Variants in CCDC171 observed in about 807,000 individuals in gnomAD.
CCDC171 encodes coiled-coil domain containing 171, also known as coiled-coil domain-containing protein 171.
In CCDC171, 177 loss-of-function variants were observed where a neutral mutation model predicts 168.2. That is an observed-to-expected ratio of 1.05 (90% CI 0.93 to 1.19). CCDC171 has a LOEUF of 1.19. Ranked by LOEUF, CCDC171 falls within the 50% of genes most tolerant of loss-of-function variation. The probability of loss-of-function intolerance (pLI) is 0.00; values close to 1 mark genes in which losing one functional copy is unlikely to be tolerated. For synonymous variants in CCDC171, 687 were observed against 540.8 expected (o/e 1.27, Z -3.75); for missense variants, 1,991 against 1,539.0 (o/e 1.29, Z -4.91).
At chr9:16,006,718 G>T (rs1249075939) in intron 3 of CCDC171, among the ~76,000 whole-genome samples, 1 of 152,094 alleles carries the variant, frequency 6.6e-6, no homozygotes, top group Non-Finnish European at 1.5e-5. Flanking sequence ...TGCTGAGAAT[G>T]ATGGTTTCCA....
chr9:16,092,501 C>T, the CCDC171 span, among the ~76,000 whole-genome samples: 1 of 152,202 alleles, frequency 6.6e-6, no homozygotes, highest in Admixed American at 6.5e-5. Context: ...TTGTTTCCCA[C>T]TGCTCCCCAC....
At chr9:15,869,899 A>G (rs555036234) in intron 23 of CCDC171, among the ~76,000 whole-genome samples, 1 of 151,902 alleles carries the variant, frequency 6.6e-6, no homozygotes, top group African/African-American at 2.4e-5. Context: ...AGAGATAGTC[A>G]TTTAAAAAAA....
At chr9:15,725,045 C>A (rs962703722) in intron 14 of CCDC171, 69 bp downstream of exon 14, 1 of 1,105,938 alleles carries the variant, frequency 9.0e-7, no homozygotes, top group Non-Finnish European at 1.4e-6. Flanking sequence ...CATCAAGTGA[C>A]TATTTTTACT....
chr9:15,787,875 G>A (rs1259125956), intron 21 of CCDC171, among the ~76,000 whole-genome samples: 1 of 152,036 alleles, frequency 6.6e-6, no homozygotes, highest in African/African-American at 2.4e-5. Context: ...ATTTTTATAA[G>A]CATATTGGTC....
intron 21 of CCDC171, among the ~76,000 whole-genome samples, chr9:15,817,754 C>G (rs2059614968): frequency 8.4e-6 from 1 of 118,882 alleles, no homozygotes; most frequent in African/African-American, 3.1e-5. Context: ...CCTCTGTAGG[C>G]TCTACCTCTG....
chr9:15,963,856 G>A (rs1333648073), intron 25 of CCDC171, among the ~76,000 whole-genome samples: 1 of 152,166 alleles, frequency 6.6e-6, no homozygotes, highest in Admixed American at 6.5e-5. Context: ...AGACAAACAA[G>A]CTACATTTCT....
At chr9:15,623,534 G>C in intron 7 of CCDC171, 121 bp downstream of exon 7, 1 of 530,350 alleles carries the variant, frequency 1.9e-6, no homozygotes, top group Non-Finnish European at 3.0e-6. Flanking sequence ...ATTTAAGATT[G>C]GAGAGTTTTA....
chr9:15,865,456 A>G (rs148922465), intron 23 of CCDC171, among the ~76,000 whole-genome samples: 943 of 151,604 alleles, frequency 6.2e-3, no homozygotes, highest in Non-Finnish European at 0.011. Flanking sequence ...GGGTCCACTT[A>G]TACGTGGATC....
Position 15,678,844 on chromosome 9 carries a change from G to A in CCDC171, c.1163G>A (p.Arg388Lys), listed in dbSNP as rs564678608. The A allele has an allele frequency of 4.6e-5, 74 of 1,597,956 alleles. 1 individual carries two copies. In the South Asian group the frequency reaches 7.4e-4, roughly 16 times the overall value. The change falls in exon 10 of 26, where the codon AGA becomes AAA. Residue 388 changes from arginine to lysine, a missense_variant. Arg to Lys is a conservative substitution (Grantham distance 26, BLOSUM62 2). Transcript: ENST00000380701. Reference protein sequence around the residue: ...QKKVIIDLSKRLQYNEKSCSE... With the variant: ...QKKVIIDLSKKLQYNEKSCSE... ...AAAGTAATTATAGACCTTTCAAAGA[G>A]ACTCCAGTATAATGAAAAAAGTTGC...
At chr9:15,737,563 C>T (rs1325032265) in intron 16 of CCDC171, among the ~76,000 whole-genome samples, 1 of 152,112 alleles carries the variant, frequency 6.6e-6, no homozygotes, top group Non-Finnish European at 1.5e-5. Flanking sequence ...AACCAGACAT[C>T]TTGCCTGTAT....
In CCDC171 at chr9:15,626,831, A is replaced by G. The variant is rs188244473; in HGVS notation, c.822+3418A>G. 8.5e-4 allele frequency among the ~76,000 whole-genome samples: 130 copies of G among 152,332 alleles called. 1 individual carries two copies. Among genetic ancestry groups the G allele is most frequent in the African/African-American group, 2.8e-3 (116 of 41,572 alleles). ...GGTATCAGGATGATGCTGGCCTCAT[A>G]AAATGACTTAGGGAGAGTTCCCTCT... On this transcript the variant is annotated intron_variant, in intron 7 of 25. Coordinates refer to ENST00000380701, the MANE Select transcript of CCDC171 (RefSeq NM_173550.4).
rs2053501306 is a variant in CCDC171, at chr9:15,721,831, A to T, written c.1381A>T (p.Thr461Ser). The change falls in exon 12 of 26, where the codon ACC (threonine) becomes TCC (serine). Residue 461 changes from threonine (T) to serine (S), a missense_variant. Thr to Ser is a moderately conservative substitution (Grantham distance 58). Coordinates refer to ENST00000380701, the MANE Select transcript of CCDC171 (RefSeq NM_173550.4). The part of the protein sequence containing the change: ...FSVVLERLRR[T>S]LTDYQNKLED... The stretch of plus-strand genomic sequence containing the variant: ...TGTTGTCCTTGAGAGATTGAGGCGT[A>T]CCTTGACAGATTACCAGAACAAGCT... The T allele has an allele frequency of 1.3e-6, 2 of 1,564,298 alleles. No individual in the cohort carries two copies. Among genetic ancestry groups the T allele is most frequent in the Non-Finnish European group, 1.7e-6 (2 of 1,153,954 alleles).
chr9:15,630,520 A>G (rs536355747), intron 7 of CCDC171, among the ~76,000 whole-genome samples: 1 of 152,238 alleles, frequency 6.6e-6, no homozygotes, highest in Non-Finnish European at 1.5e-5. Flanking sequence ...ACGAAGATTC[A>G]TAAAGCAAGT....
intron 2 of CCDC171, among the ~76,000 whole-genome samples, chr9:15,569,538 G>A (rs1482844381): frequency 1.3e-5 from 2 of 151,932 alleles, no homozygotes; most frequent in Non-Finnish European, 2.9e-5. Flanking sequence ...TTTTTCGGCC[G>A]GGCGCGGTGG....
intron 3 of CCDC171, among the ~76,000 whole-genome samples, chr9:15,576,284 A>G (rs944574157): frequency 6.6e-6 from 1 of 151,830 alleles, no homozygotes; most frequent in East Asian, 1.9e-4. Context: ...CCTGGGCTCA[A>G]GTGATTTTAT....
chr9:16,044,238 T>G (rs1333856554), intron 1 of CCDC171, among the ~76,000 whole-genome samples: 1 of 152,220 alleles, frequency 6.6e-6, no homozygotes, highest in African/African-American at 2.4e-5. Flanking sequence ...ATTTTTGATT[T>G]AAATATTTTG....
At chr9:15,930,601 C>T (rs963822177) in intron 25 of CCDC171, among the ~76,000 whole-genome samples, 7 of 151,430 alleles carry the variant, frequency 4.6e-5, no homozygotes, top group South Asian at 2.1e-4. Context: ...TTGTTAGTGA[C>T]GATATACTGA....
intron 16 of CCDC171, 51 bp downstream of exon 16, chr9:15,729,849 A>T: frequency 6.8e-7 from 1 of 1,474,200 alleles, no homozygotes. Flanking sequence ...CAGTGTAACC[A>T]TTAGAAACTT....
chr9:15,614,769 C>A (rs1343539179), intron 6 of CCDC171, among the ~76,000 whole-genome samples: 2 of 152,118 alleles, frequency 1.3e-5, no homozygotes. Context: ...TAAAAAGTTT[C>A]CTAGAAACTT....
Sources: allele counts gnomAD v4.1 joint callset (sites outside exome capture counted in the v4.1 genomes callset), GRCh38; gene constraint gnomAD v4.1.1; transcripts MANE v1.5; gene names NCBI Gene and HGNC (gene_info 2026-07-23, HGNC 2026-07-21).